The following CDK14 variants were observed in gnomAD, a reference collection of about 807,000 sequenced individuals.
CDK14 encodes cyclin-dependent kinase 14.
Under a neutral mutation model 60.7 loss-of-function variants are expected in CDK14, and 34 were observed. The ratio of observed to expected loss-of-function variants is 0.56; its 90% CI spans 0.43 to 0.75. The LOEUF is 0.75. Among genes scored for constraint, CDK14 ranks in the 30% least tolerant of loss-of-function variants. The pLI is 0.00. For missense variants in CDK14, 482 were observed against 564.1 expected, an observed-to-expected ratio of 0.85 and a Z score of 1.47; for synonymous variants, 197 against 203.7, an observed-to-expected ratio of 0.97 and a Z score of 0.28.
chr7:91,129,620 C>T (rs1209857956), intron 14 of CDK14, among the ~76,000 whole-genome samples: 1 of 151,994 alleles, frequency 6.6e-6, no homozygotes, highest in African/African-American at 2.4e-5. Flanking sequence ...GTTATTCAGA[C>T]TTGGGTATTT....
At chr7:90,850,220 A>G (rs956598402) in intron 5 of CDK14, among the ~76,000 whole-genome samples, 5 of 150,494 alleles carry the variant, frequency 3.3e-5, no homozygotes, top group Non-Finnish European at 5.9e-5. Flanking sequence ...TTGTAGTGAG[A>G]TAACCAATCT....
chr7:91,028,313 T>C (rs1389325613), intron 10 of CDK14, among the ~76,000 whole-genome samples: 2 of 152,062 alleles, frequency 1.3e-5, no homozygotes, highest in Non-Finnish European at 2.9e-5. Context: ...ACATTTTCTT[T>C]TTCTGCTCAT....
At chr7:90,606,577 A>G (rs1390098154) in intron 2 of CDK14, among the ~76,000 whole-genome samples, 1 of 152,196 alleles carries the variant, frequency 6.6e-6, no homozygotes, top group Non-Finnish European at 1.5e-5. Flanking sequence ...TACAGCTATG[A>G]GGAGAGTTAA....
intron 12 of CDK14, among the ~76,000 whole-genome samples, chr7:91,090,511 G>T (rs986342315): frequency 6.6e-6 from 1 of 152,030 alleles, no homozygotes; most frequent in African/African-American, 2.4e-5. Flanking sequence ...ACCACATGTG[G>T]CTAGAGACTA....
intron 14 of CDK14, among the ~76,000 whole-genome samples, chr7:91,139,487 T>G (rs1800379028): frequency 6.6e-6 from 1 of 152,208 alleles, no homozygotes; most frequent in South Asian, 2.1e-4. Context: ...CTTGAAGGTA[T>G]CTCTTGGGAG....
intron 10 of CDK14, among the ~76,000 whole-genome samples, chr7:91,040,093 A>C (rs1240667575): frequency 6.6e-6 from 1 of 152,124 alleles, no homozygotes; most frequent in African/African-American, 2.4e-5. Flanking sequence ...CGAAAAATAA[A>C]ACAATTCCTT....
intron 2 of CDK14, among the ~76,000 whole-genome samples, chr7:90,652,910 T>C (rs895055474): frequency 6.6e-6 from 1 of 152,192 alleles, no homozygotes; most frequent in Non-Finnish European, 1.5e-5. Flanking sequence ...GCTGTGTCTT[T>C]GCTTGTTTGC....
At chr7:91,199,924 C>T (rs1402190001) in intron 14 of CDK14, among the ~76,000 whole-genome samples, 1 of 152,174 alleles carries the variant, frequency 6.6e-6, no homozygotes, top group Non-Finnish European at 1.5e-5. Context: ...GATGTGTTCT[C>T]TTCTAGGGGG....
chr7:91,158,961 CTTTA>C (rs1306759927), intron 14 of CDK14, among the ~76,000 whole-genome samples: 4 of 152,148 alleles, frequency 2.6e-5, no homozygotes, highest in African/African-American at 7.2e-5. Context: ...TCTGTGAACA[CTTTA>C]TTTAATAGCC....
chr7:91,100,856 A>G (rs370511729), intron 12 of CDK14, among the ~76,000 whole-genome samples: 31 of 152,164 alleles, frequency 2.0e-4, no homozygotes, highest in African/African-American at 7.2e-4. Context: ...CAGTGCTAGC[A>G]TTTTCAAAAA....
At chr7:90,710,706 G>C in intron 2 of CDK14, 1 of 245,708 alleles carries the variant, frequency 4.1e-6, no homozygotes, top group Non-Finnish European at 6.5e-6. Context: ...GAGAACCCCT[G>C]CATTCATGAA....
At position 91,154,934 on chromosome 7, in the gene CDK14, G is replaced by C. The variant is rs115084684; in HGVS notation, c.*28+36726G>C. Among the ~76,000 whole-genome samples the C allele has an allele frequency of 7.9e-3, 1,210 of 152,288 alleles. 19 individuals carry two copies. The highest frequency in any genetic ancestry group is 0.026 in the African/African-American group (1,073 of 41,556). ...ATGAGCCAAACGTTTTAAGCCTAGG[G>C]AAGTGGATGTTTCAGTGATGAAAGT... On this transcript the variant is annotated intron_variant, in intron 14 of 14. Transcript: ENST00000380050.
chr7:90,639,147 C>T (rs894860350), intron 2 of CDK14, among the ~76,000 whole-genome samples: 4 of 152,222 alleles, frequency 2.6e-5, no homozygotes, highest in African/African-American at 9.6e-5. Context: ...AGTCATTCTC[C>T]TTCCAGCTTT....
intron 2 of CDK14, among the ~76,000 whole-genome samples, chr7:90,674,387 C>T (rs1801157412): frequency 6.6e-6 from 1 of 152,080 alleles, no homozygotes; most frequent in Non-Finnish European, 1.5e-5. Context: ...TAAATCTTAT[C>T]AGTCTTGAGA....
chr7:91,032,681 C>T (rs925565108), intron 10 of CDK14, among the ~76,000 whole-genome samples: 4 of 152,166 alleles, frequency 2.6e-5, no homozygotes, highest in Non-Finnish European at 5.9e-5. Flanking sequence ...CCTAAACCCC[C>T]CAGAGGGGAC....
At chr7:90,707,995 T>A (rs2116633707) in intron 2 of CDK14, among the ~76,000 whole-genome samples, 1 of 152,334 alleles carries the variant, frequency 6.6e-6, no homozygotes, top group Non-Finnish European at 1.5e-5. Flanking sequence ...GGAGAAATGT[T>A]ACTGTGTTTG....
chr7:90,813,009 A>G (rs1263827588), intron 5 of CDK14, among the ~76,000 whole-genome samples: 1 of 152,246 alleles, frequency 6.6e-6, no homozygotes, highest in Non-Finnish European at 1.5e-5. Context: ...AAAATCTGGA[A>G]ACAAGTTAAA....
intron 14 of CDK14, among the ~76,000 whole-genome samples, chr7:91,168,104 A>C (rs570059740): frequency 6.6e-6 from 1 of 152,246 alleles, no homozygotes; most frequent in East Asian, 1.9e-4. Flanking sequence ...TCTACTAAAA[A>C]TACAAAAATT....
At chr7:91,090,731 C>T (rs1363318554) in intron 12 of CDK14, among the ~76,000 whole-genome samples, 1 of 152,078 alleles carries the variant, frequency 6.6e-6, no homozygotes, top group East Asian at 1.9e-4. Flanking sequence ...TCAGAACATC[C>T]GAGAGATTTT....
Sources: gnomAD v4.1 joint callset for allele counts (sites outside exome capture counted in the v4.1 genomes callset) on GRCh38, gnomAD v4.1.1 for gene constraint, MANE v1.5 for transcripts, NCBI Gene and HGNC (gene_info 2026-07-23, HGNC 2026-07-21) for gene names.